Variants in FARS2 observed in about 807,000 individuals in gnomAD.
FARS2 encodes phenylalanine--tRNA ligase, mitochondrial.
A neutral mutation model predicts 46.4 loss-of-function variants in FARS2; 40 were observed. The observed-to-expected ratio is 0.86, with a 90% CI of 0.67 to 1.12. The LOEUF (loss-of-function observed/expected upper bound fraction) is 1.12, where lower values mean the gene tolerates loss of function less well. Ranked by LOEUF, FARS2 falls within the 50% of genes most tolerant of loss-of-function variation. The pLI, the probability that FARS2 is intolerant of heterozygous loss-of-function variation, is 0.00. For synonymous variants in FARS2, 234 were observed against 214.9 expected (o/e 1.09, Z -0.78); for missense variants, 513 against 567.9 (o/e 0.90, Z 0.98).
At chr6:5,391,766 C>A (rs1055352450) in intron 2 of FARS2, among the ~76,000 whole-genome samples, 1 of 152,060 alleles carries the variant, frequency 6.6e-6, no homozygotes, top group Non-Finnish European at 1.5e-5. Flanking sequence ...AAAATCTAGA[C>A]CTTTTGGGAA....
At chr6:5,628,428 AC>A (rs1253140275) in intron 6 of FARS2, among the ~76,000 whole-genome samples, 1 of 152,132 alleles carries the variant, frequency 6.6e-6, no homozygotes, top group African/African-American at 2.4e-5. Context: ...GGCTGTCAGA[AC>A]CCCTTTCTAG....
At chr6:5,462,966 G>C (rs1390433470) in intron 4 of FARS2, among the ~76,000 whole-genome samples, 1 of 152,122 alleles carries the variant, frequency 6.6e-6, no homozygotes, top group East Asian at 1.9e-4. Context: ...TTTCTGAAAG[G>C]GCTAGGTAGT....
At chr6:5,358,811 G>C (rs1222212845) in intron 1 of FARS2, among the ~76,000 whole-genome samples, 1 of 151,516 alleles carries the variant, frequency 6.6e-6, no homozygotes, top group Non-Finnish European at 1.5e-5. Flanking sequence ...ATTTCTTTTG[G>C]AACTAAGTAC....
intron 6 of FARS2, among the ~76,000 whole-genome samples, chr6:5,635,080 CCT>C (rs1248501002): frequency 2.5e-4 from 38 of 152,312 alleles, no homozygotes; most frequent in Admixed American, 1.8e-3. Context: ...AAGTTACTCA[CCT>C]CTCTAAGCGT....
chr6:5,468,688 T>C (rs1314358490), intron 4 of FARS2, among the ~76,000 whole-genome samples: 2 of 152,246 alleles, frequency 1.3e-5, no homozygotes, highest in Non-Finnish European at 2.9e-5. Context: ...CCTTGCATAA[T>C]CAGCAATCCA....
rs574179813 is a variant in FARS2 at position 5,741,713 on chromosome 6, C to T, written c.1218-29578C>T. 5.3e-5 allele frequency among the ~76,000 whole-genome samples: 8 copies of T among 152,332 alleles called. No individual in the cohort carries two copies. In the South Asian group the frequency reaches 6.2e-4, roughly 12 times the overall value. On this transcript the variant is annotated intron_variant, in intron 6 of 6. Coordinates refer to ENST00000274680, the MANE Select transcript of FARS2 (RefSeq NM_006567.5). ...TCGCCCAGGCTGGAGTGCAGTGGCA[C>T]GATCTCGGCTCACTGCAACCTCTGC...
chr6:5,264,883 TC>T (rs1765445657), intron 1 of FARS2, among the ~76,000 whole-genome samples: 1 of 151,998 alleles, frequency 6.6e-6, no homozygotes, highest in African/African-American at 2.4e-5. Flanking sequence ...AACTTCAAAC[TC>T]CCGTGCTGAA....
rs534169200 is a variant in FARS2 at position 5,584,398 on chromosome 6, A to G, written c.1066-28771A>G. Among the ~76,000 whole-genome samples the G allele has an allele frequency of 2.0e-5, 3 of 152,144 alleles. No homozygotes were observed. The South Asian group carries it at 6.2e-4, about 32-fold the overall frequency. ...CCCCACCATCAGAACAAACAAGCAG[A>G]CCTTTTAGCTTGACTTTTCAGCACT... On this transcript the variant is annotated intron_variant, in intron 5 of 6. Coordinates refer to ENST00000274680, the MANE Select transcript of FARS2 (RefSeq NM_006567.5).
chr6:5,705,172 T>C (rs1370256945), intron 6 of FARS2, among the ~76,000 whole-genome samples: 1 of 152,190 alleles, frequency 6.6e-6, no homozygotes, highest in Non-Finnish European at 1.5e-5. Context: ...GTTGTAAAAG[T>C]TGGTCCAAGT....
At chr6:5,725,437 A>G (rs1453619884) in intron 6 of FARS2, among the ~76,000 whole-genome samples, 1 of 152,174 alleles carries the variant, frequency 6.6e-6, no homozygotes, top group East Asian at 1.9e-4. Flanking sequence ...GTTATTTTAA[A>G]ATGGTTCCAA....
chr6:5,576,603 T>TAA (rs1554112019), intron 5 of FARS2, among the ~76,000 whole-genome samples: 1 of 147,078 alleles, frequency 6.8e-6, no homozygotes, highest in African/African-American at 2.5e-5. Flanking sequence ...ATATGATATA[T>TAA]TATATATATA....
chr6:5,532,758 G>A lies in FARS2; in HGVS notation c.905-12422G>A, dbSNP rs12526240. Among the ~76,000 whole-genome samples, 651 of 138,388 alleles carry A rather than the reference G, an allele frequency of 4.7e-3. 13 individuals carry two copies. The highest frequency in any genetic ancestry group is 0.041 in the Admixed American group (582 of 14,254). The allele number at this position is 138,388 out of a possible 152,430, so 90.8% of individuals were successfully genotyped here. A position where few individuals can be genotyped will look rare whatever the true frequency, so the allele number is the denominator to read the frequency against. On this transcript the variant is annotated intron_variant, in intron 4 of 6. Coordinates refer to ENST00000274680, the MANE Select transcript of FARS2 (RefSeq NM_006567.5). ...AGTGTGAGACTCTGTTTCAAAAGTA[G>A]TAGTAGTAATAATAATAATAATAAT...
intron 4 of FARS2, among the ~76,000 whole-genome samples, chr6:5,470,049 A>G (rs896770761): frequency 1.3e-5 from 2 of 152,230 alleles, no homozygotes; most frequent in African/African-American, 2.4e-5. Flanking sequence ...TAAAACTTCA[A>G]TGAGTAGTAG....
intron 1 of FARS2, among the ~76,000 whole-genome samples, chr6:5,341,478 T>C (rs900778255): frequency 1.3e-5 from 2 of 151,140 alleles, no homozygotes; most frequent in African/African-American, 4.9e-5. Context: ...TGGGACTCTT[T>C]GTTTTTATTT....
intron 1 of FARS2, among the ~76,000 whole-genome samples, chr6:5,337,283 A>G (rs1771229398): frequency 6.6e-6 from 1 of 151,820 alleles, no homozygotes; most frequent in Non-Finnish European, 1.5e-5. Context: ...TGTGGCTCTC[A>G]TTGTCCTTTT....
rs1309929920 is a variant in FARS2 at position 5,448,470 on chromosome 6, TG to T, written c.904+17299del. Among the ~76,000 whole-genome samples the T allele has an allele frequency of 3.1e-4, 20 of 65,352 alleles. 1 individual carries two copies. In the South Asian group the frequency reaches 4.5e-3, roughly 15 times the overall value. 42.9% of individuals were successfully genotyped at this position (65,352 alleles called of 152,430 possible). The stretch of plus-strand genomic sequence containing the variant: ...AAACCAAAGCAGCACACATTTTTTC[TG>T]TTTTTTTTTTTTCACTTACAGTGTA... On this transcript the variant is annotated intron_variant, in intron 4 of 6. Coordinates refer to ENST00000274680, the MANE Select transcript of FARS2 (RefSeq NM_006567.5).
At chr6:5,690,807 C>G (rs983741479) in intron 6 of FARS2, among the ~76,000 whole-genome samples, 2 of 152,308 alleles carry the variant, frequency 1.3e-5, no homozygotes, top group Non-Finnish European at 2.9e-5. Context: ...CAACTTGGTT[C>G]CATTCTCCCC....
intron 6 of FARS2, among the ~76,000 whole-genome samples, chr6:5,730,695 T>C (rs1348729356): frequency 2.6e-5 from 4 of 152,074 alleles, no homozygotes; most frequent in Admixed American, 6.5e-5. Context: ...TTTGCAAGAG[T>C]TGGCAATCTT....
chr6:5,710,138 T>A (rs958520168), intron 6 of FARS2, among the ~76,000 whole-genome samples: 2 of 152,190 alleles, frequency 1.3e-5, no homozygotes, highest in South Asian at 4.1e-4. Context: ...TAGGAAGGCC[T>A]TTGGCTTTCA....
Sources: gnomAD v4.1 joint callset for allele counts (sites outside exome capture counted in the v4.1 genomes callset) on GRCh38, gnomAD v4.1.1 for gene constraint, MANE v1.5 for transcripts, NCBI Gene and HGNC (gene_info 2026-07-23, HGNC 2026-07-21) for gene names.